Variants in SCHIP1 observed in about 807,000 individuals in gnomAD.
The protein encoded by SCHIP1 is schwannomin interacting protein 1, also known as schwannomin-interacting protein 1.
A neutral mutation model predicts 29.7 loss-of-function variants in SCHIP1; 8 were observed. The observed-to-expected ratio is 0.27, with a 90% CI of 0.16 to 0.49. The LOEUF (loss-of-function observed/expected upper bound fraction) is 0.49, where lower values mean the gene tolerates loss of function less well. SCHIP1 is among the 20% of genes least tolerant of loss of function. The pLI is 0.99. For synonymous variants in SCHIP1, 76 were observed against 94.9 expected (o/e 0.80, Z 1.16); for missense variants, 193 against 294.6 (o/e 0.66, Z 2.52).
At chr3:159,454,710 G>A in the SCHIP1 span, among the ~76,000 whole-genome samples, 1 of 152,168 alleles carries the variant, frequency 6.6e-6, no homozygotes, top group Non-Finnish European at 1.5e-5. Flanking sequence ...GGTCCTGGAA[G>A]TCTTGTTCTT....
the SCHIP1 span, among the ~76,000 whole-genome samples, chr3:159,587,610 C>T: frequency 6.6e-6 from 1 of 152,120 alleles, no homozygotes; most frequent in Non-Finnish European, 1.5e-5. Flanking sequence ...CTAATGCTAT[C>T]CCTCCCCCCT....
chr3:159,665,370 T>A, the SCHIP1 span, among the ~76,000 whole-genome samples: 1 of 152,178 alleles, frequency 6.6e-6, no homozygotes, highest in Admixed American at 6.5e-5. Context: ...CCAGCAAGAT[T>A]GTTGAGGCCA....
chr3:159,861,005 G>A lies in SCHIP1; in HGVS notation c.31-5158G>A, dbSNP rs1362468098. Among the ~76,000 whole-genome samples the A allele has an allele frequency of 1.3e-5, 2 of 152,126 alleles. No homozygotes were observed. The highest frequency in any genetic ancestry group is 3.8e-4 in the East Asian group (2 of 5,200). On this transcript the variant is annotated intron_variant, in intron 1 of 6. Coordinates refer to ENST00000445224, the Ensembl canonical transcript of SCHIP1. The surrounding 1 kb of genome is among the most constrained non-coding windows in gnomAD (Gnocchi z 4.1). ...TAAGCACCAGATGGCTTTAGGTTCA[G>A]GTTTAGGATGTTATTTCCTGAAGTG...
At chr3:159,476,728 A>G in the SCHIP1 span, among the ~76,000 whole-genome samples, 5 of 152,170 alleles carry the variant, frequency 3.3e-5, no homozygotes, top group Admixed American at 2.0e-4. Flanking sequence ...CTACAATGTG[A>G]TGTTTTGATA....
At chr3:159,835,277 C>T (rs1743558838), upstream of SCHIP1, among the ~76,000 whole-genome samples, 1 of 152,146 alleles carries the variant, frequency 6.6e-6, no homozygotes, top group African/African-American at 2.4e-5. Context: ...AAAGTCATAT[C>T]CTCAGGCCAT....
chr3:159,556,752 A>G, the SCHIP1 span, among the ~76,000 whole-genome samples: 1 of 113,920 alleles, frequency 8.8e-6, no homozygotes. Flanking sequence ...GGAACATCAC[A>G]CTCTGGGGAC....
At chr3:159,864,647 G>GAGT (rs1714430582) in intron 1 of SCHIP1, among the ~76,000 whole-genome samples, 1 of 152,152 alleles carries the variant, frequency 6.6e-6, no homozygotes, top group Non-Finnish European at 1.5e-5. Flanking sequence ...TAAAAAGTGT[G>GAGT]AGAGAAAAGG....
At chr3:159,420,907 G>C in the SCHIP1 span, among the ~76,000 whole-genome samples, 2 of 152,190 alleles carry the variant, frequency 1.3e-5, no homozygotes, top group Non-Finnish European at 2.9e-5. Flanking sequence ...CAACTTTTAA[G>C]ACATAAGCAA....
chr3:159,663,745 G>T, the SCHIP1 span, among the ~76,000 whole-genome samples: 1 of 152,066 alleles, frequency 6.6e-6, no homozygotes, highest in African/African-American at 2.4e-5. Flanking sequence ...ATTTCAAATT[G>T]TTTTTCCTAG....
the SCHIP1 span, among the ~76,000 whole-genome samples, chr3:159,441,905 C>T: frequency 0.017 from 2,577 of 151,998 alleles, 30 homozygotes; most frequent in Non-Finnish European, 0.025. Flanking sequence ...CTATGTTGCC[C>T]AGGCTGTTCT....
the SCHIP1 span, among the ~76,000 whole-genome samples, chr3:159,567,565 C>A: frequency 6.6e-6 from 1 of 152,074 alleles, no homozygotes; most frequent in Non-Finnish European, 1.5e-5. Context: ...CAAAACACAG[C>A]GCTATAATTT....
intron 2 of SCHIP1, among the ~76,000 whole-genome samples, chr3:159,880,198 A>G (rs1437573798): frequency 6.6e-6 from 1 of 152,184 alleles, no homozygotes; most frequent in East Asian, 1.9e-4. Context: ...TCTTTGGCAT[A>G]TAGTTGGAAA....
the SCHIP1 span, among the ~76,000 whole-genome samples, chr3:159,307,681 T>C: frequency 6.6e-6 from 1 of 152,212 alleles, no homozygotes; most frequent in Non-Finnish European, 1.5e-5. Context: ...AGGTTGTCTG[T>C]CTTCCAGGAT....
At chr3:159,358,920 C>CTTTTTT in the SCHIP1 span, among the ~76,000 whole-genome samples, 2 of 96,548 alleles carry the variant, frequency 2.1e-5, no homozygotes, top group African/African-American at 9.6e-5. Flanking sequence ...TATTAGCATC[C>CTTTTTT]TTTTTTTTTT....
the SCHIP1 span, among the ~76,000 whole-genome samples, chr3:159,507,059 G>A: frequency 1.3e-5 from 2 of 152,182 alleles, no homozygotes; most frequent in African/African-American, 2.4e-5. Context: ...ACCTTGGGCA[G>A]TGTGGCCATT....
At chr3:159,791,250 C>A in the SCHIP1 span, among the ~76,000 whole-genome samples, 1 of 152,082 alleles carries the variant, frequency 6.6e-6, no homozygotes, top group Non-Finnish European at 1.5e-5. Flanking sequence ...AAATAGAAAC[C>A]ATTCTAAGAA....
the SCHIP1 span, among the ~76,000 whole-genome samples, chr3:159,618,929 C>G: frequency 6.6e-6 from 1 of 152,328 alleles, no homozygotes; most frequent in South Asian, 2.1e-4. Flanking sequence ...TAAATCACAT[C>G]ATCTCACCTC....
At chr3:159,403,359 T>A in the SCHIP1 span, among the ~76,000 whole-genome samples, 1 of 152,170 alleles carries the variant, frequency 6.6e-6, no homozygotes, top group Admixed American at 6.5e-5. Flanking sequence ...TACCTGGTTT[T>A]AACATCATGT....
At chr3:159,781,279 G>A in the SCHIP1 span, among the ~76,000 whole-genome samples, 34 of 152,050 alleles carry the variant, frequency 2.2e-4, no homozygotes, top group East Asian at 1.2e-3. Flanking sequence ...AGGTTCAAGC[G>A]ATTCACCTGC....
Sources: allele counts gnomAD v4.1 joint callset (sites outside exome capture counted in the v4.1 genomes callset), GRCh38; gene constraint gnomAD v4.1.1; non-coding constraint Gnocchi (gnomAD v3.1); transcripts MANE v1.5; gene names NCBI Gene and HGNC (gene_info 2026-07-23, HGNC 2026-07-21).